Variants in CELF2 observed in about 807,000 individuals in gnomAD.
CELF2 encodes the protein CUG triplet repeat RNA-binding protein 2.
In CELF2, 8 loss-of-function variants were observed where a neutral mutation model predicts 62.6. That is an observed-to-expected ratio of 0.13 (90% CI 0.07 to 0.23). The LOEUF is 0.23. Ranked by LOEUF, CELF2 falls within the 10% of genes least tolerant of loss-of-function variation. The pLI is 1.00. For missense variants in CELF2, 333 were observed against 671.0 expected (o/e 0.50, Z 5.56); for synonymous variants, 258 against 250.0 (o/e 1.03, Z -0.30).
intron 1 of CELF2, among the ~76,000 whole-genome samples, chr10:11,029,476 C>T (rs533611073): frequency 3.2e-4 from 48 of 152,274 alleles, no homozygotes; most frequent in African/African-American, 6.5e-4. Flanking sequence ...TCCTCCACGA[C>T]GGGCCAGGGG....
chr10:11,001,056 A>G (rs986239264), upstream of CELF2, among the ~76,000 whole-genome samples: 1 of 152,194 alleles, frequency 6.6e-6, no homozygotes, highest in Non-Finnish European at 1.5e-5. Flanking sequence ...TTGCACGTGT[A>G]TTTATCAACT....
rs1194896465 is a variant in CELF2 at position 11,207,324 on chromosome 10, CAG to C, written c.272-10099_272-10098del. Among the ~76,000 whole-genome samples, 1 of 152,186 alleles carries C rather than the reference CAG, an allele frequency of 6.6e-6. No individual in the cohort carries two copies. Among genetic ancestry groups the C allele is most frequent in the African/African-American group, 2.4e-5 (1 of 41,454 alleles). ...AGTCTTCACGGGGTCATGGAAATAA[CAG>C]AAGATGGTTCCTCCAGGGAAAGTCC... On this transcript the variant is annotated intron_variant, in intron 2 of 12. Transcript: ENST00000633077. The surrounding 1 kb of genome is among the most constrained non-coding windows in gnomAD (Gnocchi z 4.1).
chr10:10,659,409 T>C, the CELF2 span, among the ~76,000 whole-genome samples: 24,800 of 152,148 alleles, frequency 0.16, 2,152 homozygotes, highest in South Asian at 0.24. Flanking sequence ...CCAATGAGTG[T>C]CATGTAGGTT....
At chr10:10,991,627 A>G (rs1459122093) in intron 2 of CELF2, among the ~76,000 whole-genome samples, 2 of 152,020 alleles carry the variant, frequency 1.3e-5, no homozygotes, top group Non-Finnish European at 2.9e-5. Flanking sequence ...TGTTTTCTCA[A>G]TTTTTTTTGG....
intron 1 of CELF2, among the ~76,000 whole-genome samples, chr10:10,814,182 A>G (rs2056211678): frequency 6.7e-6 from 1 of 149,052 alleles, no homozygotes. Context: ...TGAAATGGGA[A>G]CAAGAGAAGG....
the CELF2 span, among the ~76,000 whole-genome samples, chr10:10,760,706 G>A: frequency 5.3e-5 from 8 of 152,178 alleles, no homozygotes; most frequent in Non-Finnish European, 1.2e-4. Flanking sequence ...CCTAGAGGCT[G>A]AGTAGAACAC....
At chr10:10,916,362 G>T (rs939592239) in intron 1 of CELF2, among the ~76,000 whole-genome samples, 50 of 152,276 alleles carry the variant, frequency 3.3e-4, no homozygotes, top group African/African-American at 1.2e-3. Context: ...AAATCATCAG[G>T]TTTTCAGTAA....
the CELF2 span, among the ~76,000 whole-genome samples, chr10:10,670,192 G>A: frequency 1.3e-5 from 2 of 152,074 alleles, no homozygotes; most frequent in Admixed American, 1.3e-4. Context: ...GTGAGCCATC[G>A]CTCCTGGCCT....
intron 5 of CELF2, among the ~76,000 whole-genome samples, chr10:11,262,939 A>ATTTTT (rs1491054484): frequency 9.6e-5 from 1 of 10,436 alleles, no homozygotes; most frequent in Admixed American, 1.5e-3. Flanking sequence ...AAGTGGCTTT[A>ATTTTT]CTTTTTTTTT....
Position 11,211,981 on chromosome 10 carries a change from T to C in CELF2, c.272-5444T>C, listed in dbSNP as rs1460259622. Among the ~76,000 whole-genome samples, 1 of 152,014 alleles carries C rather than the reference T, an allele frequency of 6.6e-6. No individual in the cohort carries two copies. Among genetic ancestry groups the C allele is most frequent in the East Asian group, 1.9e-4 (1 of 5,182 alleles). On this transcript the variant is annotated intron_variant, in intron 2 of 12. Transcript: ENST00000633077. The surrounding 1 kb of genome is among the most constrained non-coding windows in gnomAD (Gnocchi z 4.8). Reference sequence around the variant, plus strand: ...AACTCTTCATGACAGCAGAAACTATTAGTGAAAAAATATAGCGAGACACCA... The same window carrying C: ...AACTCTTCATGACAGCAGAAACTATCAGTGAAAAAATATAGCGAGACACCA...
the CELF2 span, among the ~76,000 whole-genome samples, chr10:10,600,790 C>T: frequency 6.6e-6 from 1 of 152,174 alleles, no homozygotes; most frequent in Non-Finnish European, 1.5e-5. Flanking sequence ...ACGAGTAGAA[C>T]ATACTATATG....
chr10:11,187,399 C>T (rs781520732), intron 2 of CELF2, among the ~76,000 whole-genome samples: 27 of 152,108 alleles, frequency 1.8e-4, no homozygotes, highest in South Asian at 1.2e-3. Flanking sequence ...TCTCTCTTCA[C>T]GTGTATGTAT....
intron 2 of CELF2, among the ~76,000 whole-genome samples, chr10:11,216,508 T>C (rs2063393974): frequency 6.6e-6 from 1 of 152,228 alleles, no homozygotes; most frequent in African/African-American, 2.4e-5. Context: ...CAAGTTTTTG[T>C]CCTACCCTCT....
chr10:10,655,258 G>A, the CELF2 span, among the ~76,000 whole-genome samples: 4,553 of 139,040 alleles, frequency 0.033, 422 homozygotes, highest in African/African-American at 0.11. Flanking sequence ...TGCTCATGGG[G>A]GTAGGAAGAA....
the CELF2 span, among the ~76,000 whole-genome samples, chr10:10,536,123 G>A: frequency 1.3e-4 from 20 of 151,466 alleles, no homozygotes; most frequent in Non-Finnish European, 2.5e-4. Context: ...GAGTTCAAGC[G>A]ATTCTACTGC....
intron 2 of CELF2, among the ~76,000 whole-genome samples, chr10:11,186,412 T>C (rs1267079277): frequency 6.6e-6 from 1 of 152,002 alleles, no homozygotes. Flanking sequence ...AGATGAAAGC[T>C]GAGGTTACTG....
At chr10:10,544,633 T>G in the CELF2 span, among the ~76,000 whole-genome samples, 5 of 152,104 alleles carry the variant, frequency 3.3e-5, no homozygotes, top group African/African-American at 9.7e-5. Flanking sequence ...AAAAAGTGAG[T>G]GGAAGATTAA....
chr10:10,755,122 C>A, the CELF2 span, among the ~76,000 whole-genome samples: 1 of 152,020 alleles, frequency 6.6e-6, no homozygotes, highest in African/African-American at 2.4e-5. Flanking sequence ...TAAGAGGTGG[C>A]AAAATGCAGG....
intron 1 of CELF2, among the ~76,000 whole-genome samples, chr10:10,884,510 A>G (rs901675771): frequency 2.6e-5 from 4 of 152,224 alleles, no homozygotes; most frequent in Admixed American, 2.6e-4. Flanking sequence ...TATTTCATGT[A>G]TGCAAAAGAA....
Sources: gnomAD v4.1 joint callset for allele counts (sites outside exome capture counted in the v4.1 genomes callset) on GRCh38, gnomAD v4.1.1 for gene constraint, Gnocchi (gnomAD v3.1) non-coding constraint, MANE v1.5 for transcripts, NCBI Gene and HGNC (gene_info 2026-07-23, HGNC 2026-07-21) for gene names.